Variants in CCDC171 observed in about 807,000 individuals in gnomAD.
CCDC171 encodes the protein coiled-coil domain containing 171, also known as coiled-coil domain-containing protein 171.
Under a neutral mutation model 168.2 loss-of-function variants are expected in CCDC171, and 177 were observed. That is an observed-to-expected ratio of 1.05 (90% CI 0.93 to 1.19). The LOEUF is 1.19. Among genes scored for constraint, CCDC171 ranks in the 50% most tolerant of loss-of-function variants. The probability of loss-of-function intolerance (pLI) is 0.00; values close to 1 mark genes in which losing one functional copy is unlikely to be tolerated. For synonymous variants in CCDC171, 687 were observed against 540.8 expected (o/e 1.27, Z -3.75); for missense variants, 1,991 against 1,539.0 (o/e 1.29, Z -4.91).
intron 21 of CCDC171, among the ~76,000 whole-genome samples, chr9:15,832,754 T>C (rs1430636050): frequency 1.3e-5 from 2 of 152,186 alleles, no homozygotes; most frequent in African/African-American, 4.8e-5. Flanking sequence ...ACTTTTTGAC[T>C]CCTTTACAAC....
chr9:15,966,556 G>A (rs553803759), intron 25 of CCDC171, among the ~76,000 whole-genome samples: 1 of 147,202 alleles, frequency 6.8e-6, no homozygotes, highest in East Asian at 1.9e-4. Flanking sequence ...GGACAGAGTT[G>A]TTGTGATGTG....
At position 15,677,922 on chromosome 9, in the gene CCDC171, AT is replaced by A. The variant is rs1315110812; in HGVS notation, c.1077-835del. ...TATATATATATATATATATATATAT[AT>A]ATAAGAGATGTGGTCTCATTCTGTT... On this transcript the variant is annotated intron_variant, in intron 9 of 25. Transcript: ENST00000380701. Among the ~76,000 whole-genome samples the A allele has an allele frequency of 1.8e-3, 69 of 38,032 alleles. 6 individuals are homozygous for A. The highest frequency in any genetic ancestry group is 7.6e-3 in the African/African-American group (63 of 8,342). The allele number at this position is 38,032 out of a possible 152,430, so 25.0% of individuals were successfully genotyped here.
At chr9:15,878,605 T>G (rs768108041) in intron 24 of CCDC171, among the ~76,000 whole-genome samples, 2 of 152,180 alleles carry the variant, frequency 1.3e-5, no homozygotes, top group Non-Finnish European at 2.9e-5. Context: ...AACTACCATT[T>G]GACCTAGCAC....
At chr9:15,777,154 A>G (rs1309014710) in intron 18 of CCDC171, among the ~76,000 whole-genome samples, 1 of 152,242 alleles carries the variant, frequency 6.6e-6, no homozygotes, top group Non-Finnish European at 1.5e-5. Context: ...AAGGATGATT[A>G]CCAAAATCCT....
chr9:15,968,834 C>A (rs1198796281), intron 25 of CCDC171, among the ~76,000 whole-genome samples: 12 of 152,192 alleles, frequency 7.9e-5, no homozygotes, highest in Admixed American at 7.9e-4. Context: ...CCACCATCCC[C>A]AGCCGGTGGC....
chr9:15,727,388 T>C (rs751765576), intron 14 of CCDC171, among the ~76,000 whole-genome samples: 1 of 152,214 alleles, frequency 6.6e-6, no homozygotes, highest in Non-Finnish European at 1.5e-5. Context: ...CAGATATTGG[T>C]ATAACTTTTT....
upstream of CCDC171, among the ~76,000 whole-genome samples, chr9:16,039,379 A>C (rs897217649): frequency 2.6e-5 from 4 of 152,086 alleles, no homozygotes; most frequent in Non-Finnish European, 5.9e-5. Context: ...TCTGCGTTTT[A>C]AGTTAGTGCA....
chr9:15,613,410 TA>T (rs1564051938), intron 6 of CCDC171, among the ~76,000 whole-genome samples: 1 of 152,168 alleles, frequency 6.6e-6, no homozygotes, highest in African/African-American at 2.4e-5. Context: ...ACTAAACTTC[TA>T]AATAAAGACT....
rs559162349 is a variant in CCDC171, at chr9:15,950,775, A to G, written c.3754-20834A>G. Among the ~76,000 whole-genome samples the G allele has an allele frequency of 3.3e-5, 5 of 152,134 alleles. No individual in the cohort carries two copies. The East Asian group carries it at 9.7e-4, about 30-fold the overall frequency. ...CAGGATCAAATTCACACATAACAAT[A>G]TTAACCTTAAATGTAAATGGACCAA... On this transcript the variant is annotated intron_variant, in intron 25 of 25. Transcript: ENST00000380701.
At chr9:15,871,307 G>A (rs956234130) in intron 23 of CCDC171, among the ~76,000 whole-genome samples, 1 of 151,592 alleles carries the variant, frequency 6.6e-6, no homozygotes, top group African/African-American at 2.4e-5. Context: ...TGATAAATGA[G>A]AATAAAAAGG....
rs147903169 is a variant in CCDC171 at position 15,724,854 on chromosome 9, A to C, written c.1570A>C (p.Ile524Leu). 8.7e-6 allele frequency: 14 copies of C among 1,613,710 alleles called. No individual in the cohort carries two copies. Among genetic ancestry groups the C allele is most frequent in the Non-Finnish European group, 1.1e-5 (13 of 1,179,750 alleles). ...TAAATGTGCAGACCGAGAGGCTTTA[A>C]TAAGCACTTTAAAAGTGGAACTACA... ...HTKCADREAL[I>L]STLKVELQNV... The change falls in exon 14 of 26, where the codon ATA becomes CTA. Residue 524 changes from isoleucine to leucine, a missense_variant. Physicochemically the swap from Ile to Leu is conservative, Grantham distance 5. Coordinates refer to ENST00000380701, the MANE Select transcript of CCDC171 (RefSeq NM_173550.4).
At chr9:15,715,319 G>C (rs1446823403) in intron 11 of CCDC171, among the ~76,000 whole-genome samples, 1 of 152,172 alleles carries the variant, frequency 6.6e-6, no homozygotes, top group African/African-American at 2.4e-5. Flanking sequence ...ACTAATGTTT[G>C]CAAGATAATG....
chr9:15,594,952 T>C (rs1265519082), intron 6 of CCDC171, among the ~76,000 whole-genome samples: 1 of 152,234 alleles, frequency 6.6e-6, no homozygotes, highest in East Asian at 1.9e-4. Context: ...TATTTTGTGA[T>C]AACACAATGT....
chr9:15,799,414 G>A (rs923838187), intron 21 of CCDC171, among the ~76,000 whole-genome samples: 1 of 151,254 alleles, frequency 6.6e-6, no homozygotes, highest in Non-Finnish European at 1.5e-5. Flanking sequence ...TCTATGTAAT[G>A]TGTCTTTTTT....
At chr9:15,873,749 T>C (rs1817489247) in intron 23 of CCDC171, among the ~76,000 whole-genome samples, 1 of 152,132 alleles carries the variant, frequency 6.6e-6, no homozygotes, top group Admixed American at 6.6e-5. Context: ...AGGAATATTT[T>C]CTCATTTGTC....
chr9:15,972,498 C>T lies in CCDC171; in HGVS notation c.*662C>T, dbSNP rs187134723. The T allele has an allele frequency of 2.5e-4, 38 of 152,390 alleles. No individual in the cohort carries two copies. The highest frequency in any genetic ancestry group is 8.4e-4 in the African/African-American group (35 of 41,558). The allele number at this position is 152,390 out of a possible 1,614,324, so 9.4% of individuals were successfully genotyped here. ...AACTGCTGAATCTGGTCCCTGAAGG[C>T]ACTGAAAACTCATTCTTTTAGCAAG... On this transcript the variant is annotated 3_prime_UTR_variant, in exon 26 of 26. Coordinates refer to ENST00000380701, the MANE Select transcript of CCDC171 (RefSeq NM_173550.4).
intron 25 of CCDC171, chr9:15,922,085 T>C (rs758544866): frequency 3.6e-6 from 1 of 280,796 alleles, no homozygotes; most frequent in South Asian, 3.4e-5. Flanking sequence ...TTTTCAACAC[T>C]TTTTCCCCTT....
At chr9:16,008,270 G>A (rs1227477868) in intron 3 of CCDC171, among the ~76,000 whole-genome samples, 1 of 152,116 alleles carries the variant, frequency 6.6e-6, no homozygotes, top group Admixed American at 6.6e-5. Flanking sequence ...TGAGGTAAGA[G>A]TTCAATTTCA....
rs1483923973 is a variant in CCDC171, at chr9:15,560,167, C to T, written c.-111-3811C>T. 2.8e-4 allele frequency among the ~76,000 whole-genome samples: 42 copies of T among 152,030 alleles called. 1 individual carries two copies. On this transcript the variant is annotated intron_variant, in intron 1 of 25. Coordinates refer to ENST00000380701, the MANE Select transcript of CCDC171 (RefSeq NM_173550.4). ...TTTCTGGCTGCCCTTAATATTTTTT[C>T]CTTCATTTCAACTTTGGTGAATCTG... is the stretch of plus-strand genomic sequence containing the variant.
Sources: gnomAD v4.1 joint callset for allele counts (sites outside exome capture counted in the v4.1 genomes callset) on GRCh38, gnomAD v4.1.1 for gene constraint, MANE v1.5 for transcripts, NCBI Gene and HGNC (gene_info 2026-07-23, HGNC 2026-07-21) for gene names.